GUCY1A2: variants seen among roughly 807,000 people sequenced by gnomAD.
GUCY1A2 encodes guanylate cyclase soluble subunit alpha-2.
GUCY1A2 carries 27 observed loss-of-function variants against 63.5 expected under a neutral mutation model. The observed-to-expected ratio is 0.43, with a 90% CI of 0.31 to 0.59. The LOEUF is 0.59. GUCY1A2 is among the 20% of genes least tolerant of loss of function. The probability of loss-of-function intolerance (pLI) is 0.11; values close to 1 mark genes in which losing one functional copy is unlikely to be tolerated. For synonymous variants in GUCY1A2, 364 were observed against 343.5 expected (o/e 1.06, Z -0.66); for missense variants, 768 against 913.3 (o/e 0.84, Z 2.05).
chr11:106,894,311 T>C (rs1204934065), intron 4 of GUCY1A2, among the ~76,000 whole-genome samples: 1 of 152,086 alleles, frequency 6.6e-6, no homozygotes, highest in Non-Finnish European at 1.5e-5. Flanking sequence ...AGACAAAAAC[T>C]GATAAAAGTT....
rs1478084745 is a variant in GUCY1A2 at position 106,682,195 on chromosome 11, A to T, written c.*5354T>A. On this transcript the variant is annotated 3_prime_UTR_variant, in exon 8 of 8. Coordinates refer to ENST00000526355, the MANE Select transcript of GUCY1A2 (RefSeq NM_000855.3). ...GACCACAAATTGGAAATCAAAGCTA[A>T]AATTAAAATTTGTGAAAGAAATAAT... 2 of 211,636 alleles carry T rather than the reference A, an allele frequency of 9.5e-6. No homozygotes were observed. Among genetic ancestry groups the T allele is most frequent in the African/African-American group, 4.6e-5 (2 of 43,726 alleles). The allele number at this position is 211,636 out of a possible 1,614,324, so 13.1% of individuals were successfully genotyped here. A position where few individuals can be genotyped will look rare whatever the true frequency, so the allele number is the denominator to read the frequency against.
intron 5 of GUCY1A2, among the ~76,000 whole-genome samples, chr11:106,797,033 A>C (rs909061413): frequency 2.6e-5 from 4 of 151,958 alleles, no homozygotes; most frequent in Non-Finnish European, 5.9e-5. Flanking sequence ...TTTGATCTTC[A>C]ATCACTGATA....
chr11:106,864,238 T>C (rs1859557191), intron 4 of GUCY1A2, among the ~76,000 whole-genome samples: 2 of 151,386 alleles, frequency 1.3e-5, no homozygotes, highest in Non-Finnish European at 2.9e-5. Context: ...AGAAGAAAGA[T>C]AATGCCAGAC....
intron 1 of GUCY1A2, among the ~76,000 whole-genome samples, chr11:107,009,398 A>G (rs1861713951): frequency 1.3e-5 from 2 of 152,174 alleles, no homozygotes; most frequent in African/African-American, 4.8e-5. Flanking sequence ...TGTTGTGTCA[A>G]TCTCACTCTG....
chr11:106,806,999 C>G (rs998240697), intron 5 of GUCY1A2, among the ~76,000 whole-genome samples: 1 of 152,138 alleles, frequency 6.6e-6, no homozygotes, highest in Non-Finnish European at 1.5e-5. Context: ...TATCTCATGT[C>G]GTAGCACACT....
chr11:106,907,809 TG>T (rs1475637926), intron 4 of GUCY1A2, among the ~76,000 whole-genome samples: 1 of 152,156 alleles, frequency 6.6e-6, no homozygotes, highest in Non-Finnish European at 1.5e-5. Context: ...CTATCATTGT[TG>T]GACATTTGGG....
chr11:106,713,009 G>A (rs1863147214), intron 6 of GUCY1A2, among the ~76,000 whole-genome samples: 2 of 152,110 alleles, frequency 1.3e-5, no homozygotes, highest in African/African-American at 4.8e-5. Flanking sequence ...CTCTGTCTAT[G>A]ACCTTTAGCC....
chr11:106,838,896 A>G (rs959196947), intron 4 of GUCY1A2, among the ~76,000 whole-genome samples: 2 of 151,884 alleles, frequency 1.3e-5, no homozygotes, highest in Admixed American at 1.3e-4. Context: ...AGATGAGTAG[A>G]TTGCAAAAAT....
intron 4 of GUCY1A2, among the ~76,000 whole-genome samples, chr11:106,814,009 T>C (rs1591287787): frequency 6.6e-6 from 1 of 152,078 alleles, no homozygotes; most frequent in East Asian, 1.9e-4. Flanking sequence ...AAACCCAAAC[T>C]GGACTGACTC....
chr11:106,931,536 T>C (rs1860602068), intron 4 of GUCY1A2, among the ~76,000 whole-genome samples: 1 of 152,074 alleles, frequency 6.6e-6, no homozygotes, highest in Admixed American at 6.6e-5. Flanking sequence ...AACTCTTGTA[T>C]GTGAATGTTC....
At chr11:106,696,486 C>T (rs573411992) in intron 7 of GUCY1A2, among the ~76,000 whole-genome samples, 2 of 152,136 alleles carry the variant, frequency 1.3e-5, no homozygotes, top group African/African-American at 4.8e-5. Context: ...AAAATATGCA[C>T]AATTATTTTT....
At chr11:106,768,005 C>CAATAAACAAGGGGAAAATATAGA (rs1864192539) in intron 6 of GUCY1A2, among the ~76,000 whole-genome samples, 1 of 151,960 alleles carries the variant, frequency 6.6e-6, no homozygotes, top group African/African-American at 2.4e-5. Context: ...CCACAACAAA[C>CAATAAACAAGGGGAAAATATAGA]AATAAACAAG....
rs932545449 is a variant in GUCY1A2 at position 106,676,560 on chromosome 11, G to A, written c.*10989C>T. Reference sequence around the variant, plus strand: ...AGTAGACATAAAATTGATGACAAATGTTTCCAAACCCTCAATAAGAACTCA... The same window carrying A: ...AGTAGACATAAAATTGATGACAAATATTTCCAAACCCTCAATAAGAACTCA... On this transcript the variant is annotated 3_prime_UTR_variant, in exon 8 of 8. Coordinates refer to ENST00000526355, the MANE Select transcript of GUCY1A2 (RefSeq NM_000855.3). 1.1e-5 allele frequency: 2 copies of A among 186,224 alleles called. No individual in the cohort carries two copies. Among genetic ancestry groups the A allele is most frequent in the African/African-American group, 4.7e-5 (2 of 42,682 alleles). The allele number at this position is 186,224 out of a possible 1,614,324, so 11.5% of individuals were successfully genotyped here.
chr11:106,811,738 T>C (rs571835329), intron 4 of GUCY1A2, among the ~76,000 whole-genome samples: 1 of 152,210 alleles, frequency 6.6e-6, no homozygotes, highest in Admixed American at 6.6e-5. Context: ...CTTTACCTTA[T>C]GTAAAATTTC....
At chr11:106,937,135 G>T (rs1188843030) in intron 4 of GUCY1A2, among the ~76,000 whole-genome samples, 1 of 152,056 alleles carries the variant, frequency 6.6e-6, no homozygotes, top group Non-Finnish European at 1.5e-5. Context: ...TCCCATTCTG[G>T]CAAACTCAGG....
intron 1 of GUCY1A2, among the ~76,000 whole-genome samples, chr11:107,008,278 C>CAAAAA (rs60060457): frequency 3.1e-5 from 3 of 95,474 alleles, no homozygotes; most frequent in Admixed American, 2.4e-4. Flanking sequence ...GACTCCATCT[C>CAAAAA]AAAAAAAAAA....
intron 4 of GUCY1A2, among the ~76,000 whole-genome samples, chr11:106,908,387 A>C (rs764351934): frequency 6.6e-6 from 1 of 151,942 alleles, no homozygotes; most frequent in Non-Finnish European, 1.5e-5. Flanking sequence ...ATATAACTAA[A>C]TTACTTAAAA....
At chr11:106,790,029 G>T (rs975380842) in intron 5 of GUCY1A2, among the ~76,000 whole-genome samples, 7 of 152,040 alleles carry the variant, frequency 4.6e-5, no homozygotes, top group African/African-American at 1.4e-4. Flanking sequence ...TTTTCTTAAG[G>T]CCCTTGGGCT....
rs371474753 is a variant in GUCY1A2, at chr11:106,809,404, C to A, written c.1692+589G>T. Among the ~76,000 whole-genome samples, 9 of 152,172 alleles carry A rather than the reference C, an allele frequency of 5.9e-5. 1 individual carries two copies. In the South Asian group the frequency reaches 1.9e-3, roughly 32 times the overall value. On this transcript the variant is annotated intron_variant, in intron 5 of 7. Transcript: ENST00000526355. ...AAGGAGTTCACCAAATCAAACCAAC[C>A]ATGGTGGTTGGCACCAATTTTGGAA... is the stretch of plus-strand genomic sequence containing the variant.
Sources: gnomAD v4.1 joint callset for allele counts (sites outside exome capture counted in the v4.1 genomes callset) on GRCh38, gnomAD v4.1.1 for gene constraint, MANE v1.5 for transcripts, NCBI Gene and HGNC (gene_info 2026-07-23, HGNC 2026-07-21) for gene names.